Variants in NCKAP1L observed in about 807,000 individuals in gnomAD.
The protein encoded by NCKAP1L is NCK associated protein 1 like.
Under a neutral mutation model 139.2 loss-of-function variants are expected in NCKAP1L, and 53 were observed. That is an observed-to-expected ratio of 0.38 (90% confidence interval 0.31 to 0.48). NCKAP1L has a LOEUF of 0.48. Among genes scored for constraint, NCKAP1L ranks in the 20% least tolerant of loss-of-function variants. NCKAP1L has a pLI of 0.98. For synonymous variants in NCKAP1L, 468 were observed against 499.7 expected (o/e 0.94, Z 0.85); for missense variants, 1,151 against 1,381.9 (o/e 0.83, Z 2.65).
intron 5 of NCKAP1L, among the ~76,000 whole-genome samples, chr12:54,508,827 T>C (rs1956863032): frequency 6.6e-6 from 1 of 152,120 alleles, no homozygotes; most frequent in African/African-American, 2.4e-5. Flanking sequence ...TTTTAAATGG[T>C]GTGGGTTCCG....
At chr12:54,535,281 C>T (rs570335636) in intron 27 of NCKAP1L, 84 bp downstream of exon 27, 1 of 1,028,694 alleles carries the variant, frequency 9.7e-7, no homozygotes, top group African/African-American at 1.6e-5. Context: ...GTCAAAGAAG[C>T]CTTTATTTGA....
intron 3 of NCKAP1L, among the ~76,000 whole-genome samples, chr12:54,503,158 T>TGACA (rs367927137): frequency 1.4e-4 from 21 of 152,344 alleles, no homozygotes; most frequent in African/African-American, 5.1e-4. Context: ...TGTATGACAC[T>TGACA]GACATTTTTG....
At chr12:54,529,561 T>G (rs1441071496) in intron 22 of NCKAP1L, among the ~76,000 whole-genome samples, 2 of 152,194 alleles carry the variant, frequency 1.3e-5, no homozygotes, top group African/African-American at 2.4e-5. Context: ...AGTTCTGTTT[T>G]CCAGTTCTGC....
At position 54,526,556 on chromosome 12, in the gene NCKAP1L, G is replaced by A. The variant is rs1957027375; in HGVS notation, c.2185G>A (p.Ala729Thr). 2.5e-6 allele frequency: 4 copies of A among 1,613,572 alleles called. No individual in the cohort carries two copies. Among genetic ancestry groups the A allele is most frequent in the Non-Finnish European group, 2.5e-6 (3 of 1,179,936 alleles). The stretch of plus-strand genomic sequence containing the variant: ...CATTGTGTGGCTGGCTGGCTACAAT[G>A]CCACGACCCAGGAGATCGTACGGCC... ...RAIVWLAGYN[A>T]TTQEIVRPSE... The change falls in exon 21 of 31, where the codon GCC (alanine) becomes ACC (threonine). Residue 729 changes from alanine (A) to threonine (T), a missense_variant. Coordinates refer to ENST00000293373, the MANE Select transcript of NCKAP1L (RefSeq NM_005337.5).
chr12:54,526,458 A>T, intron 20 of NCKAP1L, 70 bp from the exon 21 acceptor site: 1 of 1,235,806 alleles, frequency 8.1e-7, no homozygotes, highest in Non-Finnish European at 1.2e-6. Context: ...AACACAATAT[A>T]CACTCAACAA....
chr12:54,504,970 G>T (rs1956828551), intron 3 of NCKAP1L, among the ~76,000 whole-genome samples: 1 of 152,216 alleles, frequency 6.6e-6, no homozygotes, highest in African/African-American at 2.4e-5. Context: ...ACTGGAATTT[G>T]GGTGTAGGCT....
intron 10 of NCKAP1L, among the ~76,000 whole-genome samples, chr12:54,516,531 C>T (rs1956933538): frequency 6.6e-6 from 1 of 151,876 alleles, no homozygotes; most frequent in African/African-American, 2.4e-5. Flanking sequence ...CTGCAACCTC[C>T]ATCTCCTGGG....
intron 1 of NCKAP1L, chr12:54,498,738 G>A: frequency 2.1e-6 from 2 of 974,610 alleles, no homozygotes; most frequent in Non-Finnish European, 2.4e-6. Context: ...TGCTTTTCTT[G>A]TTCCTTCCGG....
At chr12:54,526,166 G>C (rs1366179639) in intron 20 of NCKAP1L, among the ~76,000 whole-genome samples, 1 of 152,204 alleles carries the variant, frequency 6.6e-6, no homozygotes, top group Non-Finnish European at 1.5e-5. Context: ...GGTGTGAACT[G>C]TCAGGTAGAG....
chr12:54,519,905 A>G (rs987936960), intron 16 of NCKAP1L, among the ~76,000 whole-genome samples: 2 of 146,554 alleles, frequency 1.4e-5, no homozygotes, highest in Admixed American at 1.4e-4. Flanking sequence ...CTCTAGGAAC[A>G]TTGTGATTTA....
intron 7 of NCKAP1L, among the ~76,000 whole-genome samples, chr12:54,510,843 G>T (rs948963905): frequency 6.6e-6 from 1 of 150,686 alleles, no homozygotes; most frequent in South Asian, 2.1e-4. Context: ...TTGTAGAGAC[G>T]AGGTATCACT....
intron 22 of NCKAP1L, among the ~76,000 whole-genome samples, chr12:54,528,801 A>G (rs1162171003): frequency 6.6e-6 from 1 of 151,396 alleles, no homozygotes; most frequent in Non-Finnish European, 1.5e-5. Context: ...AATTTTTTAT[A>G]TATATATATA....
rs376636832 is a variant in NCKAP1L at position 54,523,960 on chromosome 12, T to C, written c.2156+4T>C. On this transcript the variant is annotated splice_donor_region_variant and intron_variant, in intron 20 of 30. Transcript: ENST00000293373. Reference sequence around the variant, plus strand: ...ACCTGGAGGCCAGACTCAACAGGTATCACTCTTTCCTTGTCCTCTGTTTGG... The same window carrying C: ...ACCTGGAGGCCAGACTCAACAGGTACCACTCTTTCCTTGTCCTCTGTTTGG... 137 of 1,612,966 alleles carry C rather than the reference T, an allele frequency of 8.5e-5. No individual in the cohort carries two copies. Among genetic ancestry groups the C allele is most frequent in the Non-Finnish European group, 1.1e-4 (130 of 1,179,472 alleles).
intron 21 of NCKAP1L, among the ~76,000 whole-genome samples, chr12:54,527,785 T>C (rs1199714456): frequency 6.6e-6 from 1 of 152,206 alleles, no homozygotes; most frequent in Non-Finnish European, 1.5e-5. Context: ...CCTTTAAGTT[T>C]GCCCAGAGGT....
At chr12:54,510,106 T>C in intron 7 of NCKAP1L, 121 bp downstream of exon 7, 1 of 1,331,408 alleles carries the variant, frequency 7.5e-7, no homozygotes, top group Non-Finnish European at 1.0e-6. Flanking sequence ...TCTTCTAGGG[T>C]ATGTCTCTAA....
chr12:54,516,217 T>C, intron 9 of NCKAP1L, 22 bp from the exon 10 acceptor site: 2 of 1,613,694 alleles, frequency 1.2e-6, no homozygotes, highest in East Asian at 2.2e-5. Flanking sequence ...GTCAACCCCA[T>C]TGTGCTTGTG....
intron 13 of NCKAP1L, among the ~76,000 whole-genome samples, chr12:54,518,255 C>T (rs575258774): frequency 7.3e-5 from 11 of 151,714 alleles, no homozygotes; most frequent in Admixed American, 2.0e-4. Context: ...GGCAGGAGAA[C>T]GGCGTGAACC....
Position 54,531,275 on chromosome 12 carries a change from C to A in NCKAP1L, c.2522C>A (p.Ala841Glu). 1.2e-6 allele frequency: 2 copies of A among 1,614,084 alleles called. No homozygotes were observed. Among genetic ancestry groups the A allele is most frequent in the Non-Finnish European group, 1.7e-6 (2 of 1,179,940 alleles). Residue 841 changes from alanine (A) to glutamate (E), a missense_variant, in exon 23 of 31, where the codon GCA (alanine) becomes GAA (glutamate). By Grantham distance (107) the Ala-to-Glu change is moderately radical (BLOSUM62 -1). Transcript: ENST00000293373. ...FSDISEMRAL[A>E]ELLGPYGMKF... Reference sequence around the variant, plus strand: ...TCTGTTCCAGAGATGCGGGCCTTGGCAGAACTCCTGGGCCCCTATGGCATG... The same window carrying A: ...TCTGTTCCAGAGATGCGGGCCTTGGAAGAACTCCTGGGCCCCTATGGCATG...
chr12:54,504,753 A>G (rs1249384), intron 3 of NCKAP1L, among the ~76,000 whole-genome samples: 152,226 of 152,322 alleles, frequency 1, 76,065 homozygotes, highest in Middle Eastern at 1. Context: ...CTATAAAATG[A>G]GGAAATAAGA....
Sources: gnomAD v4.1 joint callset for allele counts (sites outside exome capture counted in the v4.1 genomes callset) on GRCh38, gnomAD v4.1.1 for gene constraint, MANE v1.5 for transcripts, NCBI Gene and HGNC (gene_info 2026-07-23, HGNC 2026-07-21) for gene names.